PRKCQ: variants seen among roughly 807,000 people sequenced by gnomAD.
The protein encoded by PRKCQ is protein kinase C theta.
A neutral mutation model predicts 91.2 loss-of-function variants in PRKCQ; 41 were observed. That is an observed-to-expected ratio of 0.45 (90% CI 0.35 to 0.58). The LOEUF (loss-of-function observed/expected upper bound fraction) is 0.58, where lower values mean the gene tolerates loss of function less well. Ranked by LOEUF, PRKCQ falls within the 20% of genes least tolerant of loss-of-function variation. The pLI is 0.00. For missense variants in PRKCQ, 673 were observed against 896.5 expected, an observed-to-expected ratio of 0.75 and a Z score of 3.18; for synonymous variants, 307 against 316.9, an observed-to-expected ratio of 0.97 and a Z score of 0.33.
chr10:6,545,712 T>C (rs1009506440), intron 1 of PRKCQ, among the ~76,000 whole-genome samples: 2 of 152,178 alleles, frequency 1.3e-5, no homozygotes, highest in Non-Finnish European at 2.9e-5. Context: ...CCCTGAACCG[T>C]ACACTTCAAA....
intron 4 of PRKCQ, among the ~76,000 whole-genome samples, chr10:6,501,755 C>T (rs887715357): frequency 6.6e-5 from 10 of 151,584 alleles, no homozygotes; most frequent in South Asian, 4.2e-4. Context: ...ACTCGGGAGG[C>T]GGAGGTTGCG....
At chr10:6,579,169 GA>G (rs1313863635) in intron 1 of PRKCQ, among the ~76,000 whole-genome samples, 2 of 152,202 alleles carry the variant, frequency 1.3e-5, no homozygotes, top group African/African-American at 4.8e-5. Flanking sequence ...GTTCTTAAAA[GA>G]ATTCAGCAGG....
chr10:6,497,168 A>C lies in PRKCQ; in HGVS notation c.575-48T>G, dbSNP rs770979208. ...AGCTTAAGATTTTCATAGCCTAAGG[A>C]ATAACTAAATAAAAAGAATGATGGT... On this transcript the variant is annotated intron_variant, in intron 6 of 17. Transcript: ENST00000263125. The surrounding 1 kb of genome is among the most constrained non-coding windows in gnomAD (Gnocchi z 4.5). The C allele has an allele frequency of 6.2e-7, 1 of 1,613,816 alleles. No homozygotes were observed. The highest frequency in any genetic ancestry group is 1.3e-5 in the African/African-American group (1 of 74,924).
Position 6,451,646 on chromosome 10 carries a change from A to C in PRKCQ, c.1647+5028T>G, listed in dbSNP as rs558376798. 4.8e-3 allele frequency among the ~76,000 whole-genome samples: 728 copies of C among 152,294 alleles called. 12 individuals carry two copies. Among genetic ancestry groups the C allele is most frequent in the African/African-American group, 0.015 (624 of 41,554 alleles). ...CCAAAAAAGAGAATTTTAGACCAAT[A>C]TCCTTGATGAACATTGATGCAAAAA... is the stretch of plus-strand genomic sequence containing the variant. On this transcript the variant is annotated intron_variant, in intron 15 of 17. Coordinates refer to ENST00000263125, the MANE Select transcript of PRKCQ (RefSeq NM_006257.5).
intron 3 of PRKCQ, among the ~76,000 whole-genome samples, chr10:6,508,673 A>G (rs985925682): frequency 1.3e-5 from 2 of 152,222 alleles, no homozygotes; most frequent in Admixed American, 6.5e-5. Context: ...GATGGAGGCA[A>G]AAATGGAGAT....
the PRKCQ span, among the ~76,000 whole-genome samples, chr10:6,412,597 T>C: frequency 6.6e-6 from 1 of 152,180 alleles, no homozygotes; most frequent in African/African-American, 2.4e-5. Flanking sequence ...AAGATATGTA[T>C]GGTAAAATAA....
At chr10:6,436,846 C>T (rs1833722444) in intron 16 of PRKCQ, among the ~76,000 whole-genome samples, 1 of 152,174 alleles carries the variant, frequency 6.6e-6, no homozygotes, top group African/African-American at 2.4e-5. Context: ...CCTTGGAAAT[C>T]ATCACTTCCA....
the PRKCQ span, among the ~76,000 whole-genome samples, chr10:6,421,802 G>A: frequency 2.0e-5 from 3 of 152,194 alleles, no homozygotes; most frequent in Non-Finnish European, 4.4e-5. This position sits in a 1 kb window ranked among gnomAD's most constrained non-coding sequence, Gnocchi z 4.1. Flanking sequence ...AGAGAAAGGT[G>A]GTGCATAGAT....
intron 15 of PRKCQ, among the ~76,000 whole-genome samples, chr10:6,448,490 C>A (rs1834449035): frequency 6.6e-6 from 1 of 151,900 alleles, no homozygotes; most frequent in Non-Finnish European, 1.5e-5. Context: ...CTCACTGCAA[C>A]CTCCGCCTCC....
rs1002057504 is a variant in PRKCQ, at chr10:6,574,386, G to A, written c.-10+5825C>T. ...ATCAAACTCCTTCGTATGACTTAACGCAGGACAACTCTACGGGACAGTCTG... is the reference window on the plus strand; with the variant it reads ...ATCAAACTCCTTCGTATGACTTAACACAGGACAACTCTACGGGACAGTCTG... On this transcript the variant is annotated intron_variant, in intron 1 of 17. Transcript: ENST00000263125. Among the ~76,000 whole-genome samples, 4 of 152,172 alleles carry A rather than the reference G, an allele frequency of 2.6e-5. No homozygotes were observed. The East Asian group carries it at 5.8e-4, about 22-fold the overall frequency.
intron 7 of PRKCQ, among the ~76,000 whole-genome samples, chr10:6,492,397 A>C (rs1431698320): frequency 6.6e-6 from 1 of 152,202 alleles, no homozygotes; most frequent in Non-Finnish European, 1.5e-5. Context: ...CAAATATGTC[A>C]CACGCATCAT....
Position 6,430,851 on chromosome 10 carries a change from G to A in PRKCQ, c.1924C>T (p.Leu642Phe). The change falls in exon 17 of 18, where the codon CTT (leucine) becomes TTT (phenylalanine). Residue 642 changes from leucine to phenylalanine, a missense_variant. Physicochemically the swap from Leu to Phe is conservative, Grantham distance 22. Transcript: ENST00000263125. The surrounding 1 kb of genome is among the most constrained non-coding windows in gnomAD (Gnocchi z 4.7). ...PLFREINWEE[L>F]ERKEIDPPFR... ...GGTGGGTCAATCTCCTTCCGTTCAA[G>A]TTCCTCCCAGTTGATCTCCCGAAAC... 6.2e-7 allele frequency: 1 copy of A among 1,614,164 alleles called. No individual in the cohort carries two copies. Among genetic ancestry groups the A allele is most frequent in the Non-Finnish European group, 8.5e-7 (1 of 1,180,042 alleles).
chr10:6,543,446 G>A (rs1839842727), intron 1 of PRKCQ, among the ~76,000 whole-genome samples: 1 of 151,838 alleles, frequency 6.6e-6, no homozygotes, highest in Non-Finnish European at 1.5e-5. Flanking sequence ...AAAAAGGAGG[G>A]AGGAAGAAGT....
chr10:6,558,261 T>C (rs983779486), intron 1 of PRKCQ, among the ~76,000 whole-genome samples: 6 of 152,232 alleles, frequency 3.9e-5, no homozygotes, highest in Non-Finnish European at 8.8e-5. Flanking sequence ...AAAAAGATGT[T>C]TTGGTTTCTT....
At chr10:6,482,722 G>A (rs1168602864) in intron 11 of PRKCQ, among the ~76,000 whole-genome samples, 4 of 152,142 alleles carry the variant, frequency 2.6e-5, no homozygotes, top group East Asian at 1.9e-4. Flanking sequence ...TAATGGACTC[G>A]GTTCCACACA....
chr10:6,457,963 T>C (rs981014859), intron 14 of PRKCQ, among the ~76,000 whole-genome samples: 1 of 151,504 alleles, frequency 6.6e-6, no homozygotes, highest in Non-Finnish European at 1.5e-5. Flanking sequence ...TTTTTTCCCC[T>C]GAGACGAGGT....
chr10:6,515,029 T>A lies in PRKCQ; in HGVS notation c.107A>T (p.Tyr36Phe), dbSNP rs1219886212. ...NPYCAVLVKE[Y>F]VESENGQMYI... is the part of the protein sequence containing the mutation. ...CCCCTCAAGCTTACCTGATTCGACA[T>A]ACTCTTTGACGAGCACAGCACAGTA... Residue 36 changes from tyrosine to phenylalanine, a missense_variant, in exon 2 of 18, where the codon TAT becomes TTT. Transcript: ENST00000263125. 6.2e-7 allele frequency: 1 copy of A among 1,613,600 alleles called. No homozygotes were observed. Among genetic ancestry groups the A allele is most frequent in the Admixed American group, 1.7e-5 (1 of 59,996 alleles).
rs932652078 is a variant in PRKCQ at position 6,505,641 on chromosome 10, CTTCCT to C, written c.379+1790_379+1794del. ...CTTCCTTCCTTCCTTCCCTCCCTTC[CTTCCT>C]TTCCTTTCCTTTCTTTCCTTTCTTT... On this transcript the variant is annotated intron_variant, in intron 4 of 17. Transcript: ENST00000263125. 6.1e-4 allele frequency among the ~76,000 whole-genome samples: 91 copies of C among 149,868 alleles called. 1 individual carries two copies. Among genetic ancestry groups the C allele is most frequent in the African/African-American group, 2.0e-3 (81 of 40,676 alleles).
chr10:6,498,682 T>C, intron 4 of PRKCQ, 124 bp from the exon 5 acceptor site: 1 of 869,916 alleles, frequency 1.1e-6, no homozygotes, highest in Non-Finnish European at 1.8e-6. Flanking sequence ...GTACCTGCTG[T>C]AACATTCCAG....
Sources: gnomAD v4.1 joint callset for allele counts (sites outside exome capture counted in the v4.1 genomes callset) on GRCh38, gnomAD v4.1.1 for gene constraint, Gnocchi (gnomAD v3.1) non-coding constraint, MANE v1.5 for transcripts, NCBI Gene and HGNC (gene_info 2026-07-23, HGNC 2026-07-21) for gene names.